The following VAPA variants were observed in gnomAD, a reference collection of about 807,000 sequenced individuals.
The protein encoded by VAPA is VAMP associated protein A.
A neutral mutation model predicts 25.6 loss-of-function variants in VAPA; 6 were observed. The observed-to-expected ratio is 0.23, with a 90% CI of 0.13 to 0.46. The LOEUF (loss-of-function observed/expected upper bound fraction) is 0.46, where lower values mean the gene tolerates loss of function less well. Ranked by LOEUF, VAPA falls within the 20% of genes least tolerant of loss-of-function variation. The pLI is 0.99. For missense variants in VAPA, 244 were observed against 302.1 expected (o/e 0.81, Z 1.43); for synonymous variants, 112 against 106.2 (o/e 1.05, Z -0.34).
chr18:9,943,855 T>A (rs1223639270), intron 4 of VAPA, among the ~76,000 whole-genome samples: 3 of 84,362 alleles, frequency 3.6e-5, no homozygotes, highest in African/African-American at 1.4e-4. Flanking sequence ...TTTTTTTTTT[T>A]TTTTTTTTTT....
chr18:9,952,704 C>G (rs2069503324), intron 5 of VAPA, among the ~76,000 whole-genome samples: 1 of 152,124 alleles, frequency 6.6e-6, no homozygotes, highest in Non-Finnish European at 1.5e-5. Flanking sequence ...TTCCCCTAGC[C>G]CTGTGGTTCT....
intron 5 of VAPA, among the ~76,000 whole-genome samples, chr18:9,952,771 G>T (rs905218996): frequency 1.3e-5 from 2 of 152,060 alleles, no homozygotes; most frequent in African/African-American, 4.8e-5. Flanking sequence ...AGTTGACCAG[G>T]CTTGCCCCAG....
intron 4 of VAPA, among the ~76,000 whole-genome samples, chr18:9,947,046 C>A (rs2069432390): frequency 6.6e-6 from 1 of 152,224 alleles, no homozygotes; most frequent in Non-Finnish European, 1.5e-5. Flanking sequence ...TCCACCTCCA[C>A]ATCCTGTCTC....
At chr18:9,936,570 A>AC (rs747997357) in intron 3 of VAPA, 8 of 198,126 alleles carry the variant, frequency 4.0e-5, no homozygotes, top group African/African-American at 1.6e-4. Flanking sequence ...AAACAAACAA[A>AC]AAACAAAAAA....
chr18:9,921,684 C>G (rs1407594085), intron 1 of VAPA, among the ~76,000 whole-genome samples: 2 of 152,108 alleles, frequency 1.3e-5, no homozygotes, highest in African/African-American at 4.8e-5. Flanking sequence ...GAAGTTGATA[C>G]AGGATGGATC....
chr18:9,959,381 C>T lies in VAPA; in HGVS notation c.*5170C>T, dbSNP rs1267290394. 6.6e-6 allele frequency: 1 copy of T among 152,094 alleles called. No homozygotes were observed. The highest frequency in any genetic ancestry group is 1.9e-4 in the East Asian group (1 of 5,200). 9.4% of individuals were successfully genotyped at this position (152,094 alleles called of 1,614,324 possible). A position where few individuals can be genotyped will look rare whatever the true frequency, so the allele number is the denominator to read the frequency against. On this transcript the variant is annotated 3_prime_UTR_variant, in exon 6 of 6. Coordinates refer to ENST00000400000, the MANE Select transcript of VAPA (RefSeq NM_194434.3). ...CAGAAAATTGAGAAGAAGTAAACTCCTGCCCACTAACAATCTCAGTCCGTG... is the reference window on the plus strand; with the variant it reads ...CAGAAAATTGAGAAGAAGTAAACTCTTGCCCACTAACAATCTCAGTCCGTG...
chr18:9,942,404 A>C (rs1268169861), intron 4 of VAPA, among the ~76,000 whole-genome samples: 1 of 152,192 alleles, frequency 6.6e-6, no homozygotes, highest in Non-Finnish European at 1.5e-5. Context: ...AATATTGTAG[A>C]GATAACAAGT....
chr18:9,917,215 GA>G (rs1240132653), intron 1 of VAPA, among the ~76,000 whole-genome samples: 1 of 152,116 alleles, frequency 6.6e-6, no homozygotes, highest in Non-Finnish European at 1.5e-5. Context: ...TTATGTGAAA[GA>G]TTTTTTTTGT....
chr18:9,919,491 A>C (rs555739607), intron 1 of VAPA, among the ~76,000 whole-genome samples: 4 of 152,216 alleles, frequency 2.6e-5, no homozygotes, highest in Admixed American at 2.0e-4. Context: ...TCAGAAGAAT[A>C]AAGTGTACCC....
At chr18:9,951,903 T>C (rs943087919) in intron 5 of VAPA, among the ~76,000 whole-genome samples, 8 of 152,222 alleles carry the variant, frequency 5.3e-5, no homozygotes, top group Non-Finnish European at 8.8e-5. Context: ...GGGGTACCCG[T>C]CTGCTTCCAA....
intron 2 of VAPA, among the ~76,000 whole-genome samples, chr18:9,933,391 G>A (rs1168989099): frequency 6.6e-6 from 1 of 152,168 alleles, no homozygotes; most frequent in East Asian, 1.9e-4. Context: ...GGAGGCCTGG[G>A]AGGAGTGCTT....
intron 1 of VAPA, among the ~76,000 whole-genome samples, chr18:9,930,435 T>A (rs1398981325): frequency 1.3e-5 from 2 of 152,174 alleles, no homozygotes; most frequent in Non-Finnish European, 2.9e-5. Flanking sequence ...TTAAGACTTC[T>A]AGTTTTATCA....
intron 2 of VAPA, among the ~76,000 whole-genome samples, chr18:9,935,585 A>C (rs2069301225): frequency 6.6e-6 from 1 of 152,248 alleles, no homozygotes; most frequent in African/African-American, 2.4e-5. Flanking sequence ...GTTTTAAAAA[A>C]CAAAAAACAG....
chr18:9,949,276 AGAATG>A (rs2069461485), intron 4 of VAPA: 2 of 152,228 alleles, frequency 1.3e-5, no homozygotes, highest in South Asian at 4.1e-4. Flanking sequence ...AGCTTGAAGA[AGAATG>A]GAAGAGTCTG....
At position 9,957,940 on chromosome 18, in the gene VAPA, A is replaced by G. The variant is rs1161135795; in HGVS notation, c.*3729A>G. ...CACGCTTCTTCGCGTAAGCAGTGGC[A>G]TCTTGGGAATGAATGCCCAGCCGCT... On this transcript the variant is annotated 3_prime_UTR_variant, in exon 6 of 6. Coordinates refer to ENST00000400000, the MANE Select transcript of VAPA (RefSeq NM_194434.3). 1 of 152,248 alleles carries G rather than the reference A, an allele frequency of 6.6e-6. No homozygotes were observed. The highest frequency in any genetic ancestry group is 2.4e-5 in the African/African-American group (1 of 41,476). The allele number at this position is 152,248 out of a possible 1,614,324, so 9.4% of individuals were successfully genotyped here.
rs2069089815 is a variant in VAPA, at chr18:9,914,253, TC to T, written c.-2del. The T allele has an allele frequency of 3.2e-6, 5 of 1,579,574 alleles. No homozygotes were observed. The highest frequency in any genetic ancestry group is 4.3e-6 in the Non-Finnish European group (5 of 1,165,214). ...GCGCGCCCCCGCTCTGCGCTGTCTC[TC>T]CGATGGCGTCCGCCTCAGGGGCCAT... On this transcript the variant is annotated 5_prime_UTR_variant, in exon 1 of 6. Transcript: ENST00000400000.
intron 4 of VAPA, among the ~76,000 whole-genome samples, chr18:9,945,460 A>C (rs1471987047): frequency 7.2e-6 from 1 of 139,344 alleles, no homozygotes; most frequent in East Asian, 2.2e-4. Flanking sequence ...CCCCGGTTCA[A>C]GGGATTCTCC....
At chr18:9,936,902 C>T (rs192080198) in intron 3 of VAPA, 84 bp from the exon 4 acceptor site, 503 of 1,173,680 alleles carry the variant, frequency 4.3e-4, no homozygotes, top group Non-Finnish European at 5.2e-4. Context: ...CAGCTTCACT[C>T]ATCTTTTAGC....
intron 4 of VAPA, chr18:9,945,192 C>T (rs546548830): frequency 1.2e-5 from 13 of 1,078,384 alleles, no homozygotes; most frequent in Admixed American, 2.4e-5. Flanking sequence ...CCTAAAATTA[C>T]AATAAAACTA....
Sources: allele counts gnomAD v4.1 joint callset (sites outside exome capture counted in the v4.1 genomes callset), GRCh38; gene constraint gnomAD v4.1.1; transcripts MANE v1.5; gene names NCBI Gene and HGNC (gene_info 2026-07-23, HGNC 2026-07-21).